GABRA5: variants seen among roughly 807,000 people sequenced by gnomAD.
GABRA5 encodes the protein gamma-aminobutyric acid receptor subunit alpha-5.
In GABRA5, 18 loss-of-function variants were observed where a neutral mutation model predicts 47.3. That is an observed-to-expected ratio of 0.38 (90% CI 0.26 to 0.56). The LOEUF is 0.56. Among genes scored for constraint, GABRA5 ranks in the 20% least tolerant of loss-of-function variants. GABRA5 has a pLI of 0.71. For missense variants in GABRA5, 365 were observed against 599.3 expected, an observed-to-expected ratio of 0.61 and a Z score of 4.08; for synonymous variants, 237 against 229.3, an observed-to-expected ratio of 1.03 and a Z score of -0.30.
At chr15:26,869,456 C>G in intron 3 of GABRA5, 122 bp downstream of exon 3, 3 of 678,234 alleles carry the variant, frequency 4.4e-6, no homozygotes, top group Non-Finnish European at 8.1e-6. Context: ...GTCCCAAGCC[C>G]TTCACTTGTT....
rs556701320 is a variant in GABRA5, at chr15:26,945,773, C to T, written c.1090-2161C>T. 9.2e-5 allele frequency among the ~76,000 whole-genome samples: 14 copies of T among 152,288 alleles called. 1 individual carries two copies. The highest frequency in any genetic ancestry group is 1.9e-4 in the East Asian group (1 of 5,166). On this transcript the variant is annotated intron_variant, in intron 10 of 10. Transcript: ENST00000335625. Reference sequence around the variant, plus strand: ...GGCGCGTGTAAATCTCCACCACCAGCGCCGTGACTATGCTGAGTCCCAGGC... The same window carrying T: ...GGCGCGTGTAAATCTCCACCACCAGTGCCGTGACTATGCTGAGTCCCAGGC...
At position 26,883,406 on chromosome 15, in the gene GABRA5, C is replaced by G; in HGVS notation, c.346C>G (p.Gln116Glu). 6.2e-7 allele frequency: 1 copy of G among 1,614,064 alleles called. No homozygotes were observed. The highest frequency in any genetic ancestry group is 8.5e-7 in the Non-Finnish European group (1 of 1,179,928). Residue 116 changes from glutamine to glutamate, a missense_variant, in exon 6 of 11, where the codon CAG becomes GAG. Around this residue, in one of 3 missense-constraint regions of GABRA5, gnomAD observed 216 missense variants for 335.3 expected, o/e 0.64. Coordinates refer to ENST00000335625, the MANE Select transcript of GABRA5 (RefSeq NM_000810.4). The surrounding 1 kb of genome is among the most constrained non-coding windows in gnomAD (Gnocchi z 4.8). ...AAGGCTTCGGTTTAAGGGGCCCATG[C>G]AGCGCCTCCCTCTCAACAACCTCCT... ...DERLRFKGPM[Q>E]RLPLNNLLAS...
At chr15:26,886,015 C>CTGTTGT (rs79858293) in intron 6 of GABRA5, among the ~76,000 whole-genome samples, 68 of 151,078 alleles carry the variant, frequency 4.5e-4, no homozygotes, top group Admixed American at 2.6e-3. Flanking sequence ...ATGCAGTTTG[C>CTGTTGT]TGTTGTTGTT....
chr15:26,917,265 C>T (rs1261064303), intron 7 of GABRA5, among the ~76,000 whole-genome samples: 1 of 151,946 alleles, frequency 6.6e-6, no homozygotes, highest in Non-Finnish European at 1.5e-5. Flanking sequence ...CCTTGTGTAT[C>T]GAGAATTTTT....
chr15:26,932,957 G>C (rs1291116562), intron 7 of GABRA5, among the ~76,000 whole-genome samples: 1 of 152,052 alleles, frequency 6.6e-6, no homozygotes, highest in East Asian at 1.9e-4. Flanking sequence ...GGGGTAGTGC[G>C]GGGAGGGAGA....
At chr15:26,875,052 C>G (rs1239560334) in intron 3 of GABRA5, among the ~76,000 whole-genome samples, 1 of 152,196 alleles carries the variant, frequency 6.6e-6, no homozygotes, top group African/African-American at 2.4e-5. Flanking sequence ...AATCATGGGT[C>G]TCAATGTGGG....
chr15:26,944,244 G>C (rs897271226), intron 10 of GABRA5, among the ~76,000 whole-genome samples: 1 of 152,214 alleles, frequency 6.6e-6, no homozygotes, highest in African/African-American at 2.4e-5. Flanking sequence ...GCCAGTTACA[G>C]CAGAGCAGGA....
chr15:26,929,113 A>G (rs935694071), intron 7 of GABRA5, among the ~76,000 whole-genome samples: 1 of 152,180 alleles, frequency 6.6e-6, no homozygotes, highest in African/African-American at 2.4e-5. Flanking sequence ...GTTTCAGTCC[A>G]AAAGTCTAAA....
intron 6 of GABRA5, among the ~76,000 whole-genome samples, chr15:26,899,561 A>T (rs539418478): frequency 5.7e-4 from 86 of 152,126 alleles, no homozygotes; most frequent in African/African-American, 2.0e-3. Flanking sequence ...AGAATAGTGT[A>T]TTTTTCTCTG....
intron 3 of GABRA5, among the ~76,000 whole-genome samples, chr15:26,874,316 CA>C (rs1892540863): frequency 7.9e-6 from 1 of 126,200 alleles, no homozygotes; most frequent in African/African-American, 3.2e-5. Context: ...ATTCACAATG[CA>C]TTTTTTTTTT....
upstream of GABRA5, chr15:26,866,974 AG>A: frequency 6.6e-6 from 1 of 152,352 alleles, no homozygotes; most frequent in East Asian, 1.9e-4. Flanking sequence ...TTGCAGGCCG[AG>A]CCGGGGGCCC....
intron 6 of GABRA5, among the ~76,000 whole-genome samples, chr15:26,912,582 T>C (rs1379327094): frequency 6.6e-6 from 1 of 152,202 alleles, no homozygotes; most frequent in African/African-American, 2.4e-5. Context: ...TAAAATAATA[T>C]AAAAGTCCAG....
chr15:26,895,826 A>AAAAAAAAAAAGAAG (rs1458730535), intron 6 of GABRA5, among the ~76,000 whole-genome samples: 36 of 136,040 alleles, frequency 2.6e-4, no homozygotes, highest in African/African-American at 8.0e-4. Context: ...AAAAAAAAAA[A>AAAAAAAAAAAGAAG]AAGAAGAAGA....
chr15:26,922,316 AT>A (rs1893862527), intron 7 of GABRA5, among the ~76,000 whole-genome samples: 1 of 152,104 alleles, frequency 6.6e-6, no homozygotes, highest in South Asian at 2.1e-4. Context: ...TCACTATTTA[AT>A]ATTTCTCTCT....
At chr15:26,912,703 T>TG (rs1893626421) in intron 6 of GABRA5, among the ~76,000 whole-genome samples, 1 of 152,182 alleles carries the variant, frequency 6.6e-6, no homozygotes, top group African/African-American at 2.4e-5. Flanking sequence ...ATTTTGGTGA[T>TG]GGGGGAAGTA....
chr15:26,939,079 A>G (rs1262661132), intron 8 of GABRA5: 6 of 648,514 alleles, frequency 9.3e-6, no homozygotes, highest in Non-Finnish European at 1.7e-5. Flanking sequence ...CATACCATCC[A>G]CTCCTCGCAA....
At chr15:26,905,084 G>C (rs1327040012) in intron 6 of GABRA5, among the ~76,000 whole-genome samples, 1 of 152,116 alleles carries the variant, frequency 6.6e-6, no homozygotes, top group Non-Finnish European at 1.5e-5. Context: ...GAATGATGTT[G>C]ACTGTGGATT....
In GABRA5 at chr15:26,934,545, G is replaced by A. The variant is rs531982200; in HGVS notation, c.581-2640G>A. Among the ~76,000 whole-genome samples, 21 of 152,244 alleles carry A rather than the reference G, an allele frequency of 1.4e-4. No individual in the cohort carries two copies. In the East Asian group the frequency reaches 1.5e-3, roughly 11 times the overall value. On this transcript the variant is annotated intron_variant, in intron 7 of 10. Transcript: ENST00000335625. ...ACCAAGCAAAAATCATTCCCCACACGGTTATGTCCATTATAGCTGCTGTTG... is the reference window on the plus strand; with the variant it reads ...ACCAAGCAAAAATCATTCCCCACACAGTTATGTCCATTATAGCTGCTGTTG...
intron 7 of GABRA5, among the ~76,000 whole-genome samples, chr15:26,931,489 T>C (rs1158923989): frequency 6.6e-6 from 1 of 152,086 alleles, no homozygotes; most frequent in Non-Finnish European, 1.5e-5. Flanking sequence ...ACCAATCCCA[T>C]TTAGGATTAG....
Sources: allele counts gnomAD v4.1 joint callset (sites outside exome capture counted in the v4.1 genomes callset), GRCh38; gene constraint gnomAD v4.1.1; regional missense constraint gnomAD v4.1.1; non-coding constraint Gnocchi (gnomAD v3.1); transcripts MANE v1.5; gene names NCBI Gene and HGNC (gene_info 2026-07-23, HGNC 2026-07-21).